The following LARP1B variants were observed in gnomAD, a reference collection of about 807,000 sequenced individuals.
LARP1B encodes the protein La ribonucleoprotein 1B, also known as la-related protein 1B.
Under a neutral mutation model 114.2 loss-of-function variants are expected in LARP1B, and 76 were observed. The observed-to-expected ratio is 0.67, with a 90% confidence interval of 0.55 to 0.81. The LOEUF is 0.81. LARP1B is among the 30% of genes least tolerant of loss of function. LARP1B has a pLI of 0.00. For missense variants in LARP1B, 1,014 were observed against 1,075.8 expected (o/e 0.94, Z 0.80); for synonymous variants, 345 against 348.0 (o/e 0.99, Z 0.10).
intron 3 of LARP1B, among the ~76,000 whole-genome samples, chr4:128,077,510 G>A (rs1198739248): frequency 1.5e-3 from 53 of 35,210 alleles, no homozygotes; most frequent in Admixed American, 0.012. Context: ...TCCCGCCCCC[G>A]CCCCTGCAAA....
intron 5 of LARP1B, among the ~76,000 whole-genome samples, chr4:128,084,397 CG>C (rs1161405292): frequency 6.6e-6 from 1 of 152,264 alleles, no homozygotes; most frequent in East Asian, 1.9e-4. Context: ...CCGAGGCTGG[CG>C]GATCACTCGC....
rs147517573 is a variant in LARP1B at position 128,139,460 on chromosome 4, T to C, written c.1524+17272T>C. On this transcript the variant is annotated intron_variant, in intron 11 of 19. Coordinates refer to ENST00000326639, the MANE Select transcript of LARP1B (RefSeq NM_018078.4). Reference sequence around the variant, plus strand: ...GTGTGTGATGATCACAGCTGCGATGTAGTGTGCACCTGTGAATGGCCACTG... The same window carrying C: ...GTGTGTGATGATCACAGCTGCGATGCAGTGTGCACCTGTGAATGGCCACTG... 2.8e-3 allele frequency among the ~76,000 whole-genome samples: 425 copies of C among 152,206 alleles called. 2 individuals carry two copies. Among genetic ancestry groups the C allele is most frequent in the African/African-American group, 9.8e-3 (405 of 41,534 alleles).
intron 9 of LARP1B, among the ~76,000 whole-genome samples, chr4:128,111,845 C>A (rs1002160187): frequency 2.0e-5 from 3 of 151,588 alleles, no homozygotes; most frequent in African/African-American, 7.3e-5. Flanking sequence ...CCACGCCTGG[C>A]TAATTTTTGT....
Position 128,207,399 on chromosome 4 carries a change from T to C in LARP1B, c.2547+16T>C, listed in dbSNP as rs1241666789. 1 of 1,455,276 alleles carries C rather than the reference T, an allele frequency of 6.9e-7. No homozygotes were observed. The highest frequency in any genetic ancestry group is 9.1e-7 in the Non-Finnish European group (1 of 1,094,966). 90.1% of individuals were successfully genotyped at this position (1,455,276 alleles called of 1,614,324 possible). ...CCGTGTTGATGTAAGTTTTAAGTCA[T>C]TTCCTCTATTCTTTTTATTATCCAT... On this transcript the variant is annotated intron_variant, in intron 19 of 19. Transcript: ENST00000326639.
intron 11 of LARP1B, among the ~76,000 whole-genome samples, chr4:128,131,995 T>C (rs1791711337): frequency 6.6e-6 from 1 of 152,232 alleles, no homozygotes; most frequent in Admixed American, 6.5e-5. Context: ...GAATACAGTC[T>C]GGCAGTTTTC....
At chr4:128,173,793 G>A (rs936576348) in intron 12 of LARP1B, among the ~76,000 whole-genome samples, 1 of 152,072 alleles carries the variant, frequency 6.6e-6, no homozygotes, top group Non-Finnish European at 1.5e-5. Context: ...GAAAATTACT[G>A]CTCTAACCCT....
intron 1 of LARP1B, among the ~76,000 whole-genome samples, chr4:128,066,297 C>T (rs2149294047): frequency 6.6e-6 from 1 of 150,720 alleles, no homozygotes; most frequent in African/African-American, 2.4e-5. Flanking sequence ...CTGCCTCAAC[C>T]TCCTGAGTAG....
At chr4:128,075,547 CTT>C (rs1160065059) in intron 3 of LARP1B, among the ~76,000 whole-genome samples, 4 of 144,764 alleles carry the variant, frequency 2.8e-5, no homozygotes, top group African/African-American at 5.0e-5. Flanking sequence ...TCTTTCTTTT[CTT>C]TTTTTTTTTT....
rs764133108 is a variant in LARP1B, at chr4:128,107,257, C to T, written c.932C>T (p.Ser311Phe). 1.1e-5 allele frequency: 17 copies of T among 1,614,172 alleles called. No individual in the cohort carries two copies. Among genetic ancestry groups the T allele is most frequent in the Non-Finnish European group, 1.4e-5 (17 of 1,180,014 alleles). ...PPRSVPPTDF[S>F]QLIDCPEFVP... ...CGCAGTGTGCCACCAACAGACTTCT[C>T]TCAACTGATTGATTGTCCAGAGTTT... The change falls in exon 9 of 20, where the codon TCT (serine) becomes TTT (phenylalanine). Residue 311 changes from serine (S) to phenylalanine (F), a missense_variant. By Grantham distance (155) the Ser-to-Phe change is radical. Coordinates refer to ENST00000326639, the MANE Select transcript of LARP1B (RefSeq NM_018078.4).
At chr4:128,063,427 CAAA>C (rs763868048) in intron 1 of LARP1B, among the ~76,000 whole-genome samples, 11 of 13,216 alleles carry the variant, frequency 8.3e-4, no homozygotes, top group East Asian at 4.5e-3. Context: ...GACCCACTCT[CAAA>C]AAAAAAAAAA....
At chr4:128,072,248 G>C (rs1193347317) in intron 1 of LARP1B, among the ~76,000 whole-genome samples, 1 of 152,088 alleles carries the variant, frequency 6.6e-6, no homozygotes, top group Non-Finnish European at 1.5e-5. Flanking sequence ...TAATCTGCCT[G>C]CGTTGGCCTC....
At chr4:128,102,688 G>T (rs1780721628) in intron 8 of LARP1B, among the ~76,000 whole-genome samples, 1 of 151,982 alleles carries the variant, frequency 6.6e-6, no homozygotes, top group Non-Finnish European at 1.5e-5. Flanking sequence ...AGCTTTTTGT[G>T]TCTTCCATTT....
intron 11 of LARP1B, chr4:128,155,449 C>T (rs538342505): frequency 2.7e-6 from 2 of 728,758 alleles, no homozygotes; most frequent in South Asian, 3.0e-5. Flanking sequence ...TATGGCGACC[C>T]CGCGCAGCCC....
intron 7 of LARP1B, chr4:128,092,869 G>A: frequency 1.0e-6 from 1 of 985,322 alleles, no homozygotes; most frequent in African/African-American, 1.7e-5. Flanking sequence ...TGTCTTTTTT[G>A]TAACTTTTGC....
intron 1 of LARP1B, among the ~76,000 whole-genome samples, chr4:128,062,914 TA>T (rs1009773204): frequency 1.5e-4 from 23 of 151,900 alleles, no homozygotes; most frequent in Admixed American, 9.8e-4. Flanking sequence ...TAAGTATAAT[TA>T]AAAAAAATAA....
intron 11 of LARP1B, among the ~76,000 whole-genome samples, chr4:128,139,396 G>A (rs1470606911): frequency 6.6e-6 from 1 of 152,160 alleles, no homozygotes; most frequent in Non-Finnish European, 1.5e-5. Flanking sequence ...TAGAGGCTAA[G>A]GCAGGAGGAT....
chr4:128,107,156 A>G lies in LARP1B; in HGVS notation c.831A>G (p.Thr277=). The change falls in exon 9 of 20, where the codon ACA becomes ACG. Residue 277 remains threonine (T), a synonymous_variant. Coordinates refer to ENST00000326639, the MANE Select transcript of LARP1B (RefSeq NM_018078.4). Reference sequence around the variant, plus strand: ...GTTAATAGGCACTGAAGGATAGCACAGAAGTAGAAATTGTGGATGAGAAAA... The same window carrying G: ...GTTAATAGGCACTGAAGGATAGCACGGAAGTAGAAATTGTGGATGAGAAAA... ...NLILEALKDS[T]EVEIVDEKMR... The G allele has an allele frequency of 6.2e-7, 1 of 1,614,096 alleles. No homozygotes were observed. Among genetic ancestry groups the G allele is most frequent in the Non-Finnish European group, 8.5e-7 (1 of 1,179,952 alleles).
Position 128,166,980 on chromosome 4 carries a change from A to C in LARP1B, c.1648+4663A>C, listed in dbSNP as rs1331689237. 3.6e-4 allele frequency among the ~76,000 whole-genome samples: 52 copies of C among 146,252 alleles called. No homozygotes were observed. In the South Asian group the frequency reaches 3.9e-3, roughly 11 times the overall value. ...TCTCTCTCTCTCTCTCTATATATAT[A>C]TATATATATATATACACACACACAT... On this transcript the variant is annotated intron_variant, in intron 12 of 19. Coordinates refer to ENST00000326639, the MANE Select transcript of LARP1B (RefSeq NM_018078.4).
At chr4:128,122,466 T>G (rs1382953970) in intron 11 of LARP1B, 2 of 1,521,318 alleles carry the variant, frequency 1.3e-6, no homozygotes, top group Admixed American at 4.3e-5. Flanking sequence ...TTTGTTTTTT[T>G]TTGTTTTTGT....
Sources: allele counts gnomAD v4.1 joint callset (sites outside exome capture counted in the v4.1 genomes callset), GRCh38; gene constraint gnomAD v4.1.1; transcripts MANE v1.5; gene names NCBI Gene and HGNC (gene_info 2026-07-23, HGNC 2026-07-21).